Variants in ATP2B2 observed in about 807,000 individuals in gnomAD.
ATP2B2 encodes the protein ATPase plasma membrane Ca2+ transporting 2.
Under a neutral mutation model 120.0 loss-of-function variants are expected in ATP2B2, and 15 were observed. That is an observed-to-expected ratio of 0.12 (90% CI 0.08 to 0.19). The LOEUF (loss-of-function observed/expected upper bound fraction) is 0.19, where lower values mean the gene tolerates loss of function less well. Among genes scored for constraint, ATP2B2 ranks in the 10% least tolerant of loss-of-function variants. The pLI is 1.00. For missense variants in ATP2B2, 1,045 were observed against 1,719.8 expected, an observed-to-expected ratio of 0.61 and a Z score of 6.94; for synonymous variants, 694 against 700.3, an observed-to-expected ratio of 0.99 and a Z score of 0.14.
In ATP2B2 at chr3:10,371,995, G is replaced by A. The variant is rs1185546446; in HGVS notation, c.1473C>T (p.Gly491=). The A allele has an allele frequency of 6.2e-7, 1 of 1,614,208 alleles. No individual in the cohort carries two copies. Among genetic ancestry groups the A allele is most frequent in the East Asian group, 2.2e-5 (1 of 44,886 alleles). ...TGTCTGAGCAGATGGCTGTGGCATT[G>A]CCCATGGTCTCACAGGCATCCAGGT... The part of the protein sequence containing the change: ...VRHLDACETM[G]NATAICSDKT... Residue 491 remains glycine, a synonymous_variant, in exon 12 of 23, where the codon GGC becomes GGT. Transcript: ENST00000360273.
chr3:10,486,120 T>C (rs1352432220), intron 1 of ATP2B2, among the ~76,000 whole-genome samples: 1 of 152,142 alleles, frequency 6.6e-6, no homozygotes, highest in Non-Finnish European at 1.5e-5. Context: ...ACAACATCAT[T>C]CTGCTGCCCA....
chr3:10,472,791 T>C (rs984143279), intron 1 of ATP2B2, among the ~76,000 whole-genome samples: 3 of 152,188 alleles, frequency 2.0e-5, no homozygotes, highest in African/African-American at 7.2e-5. Context: ...CAGCACCAAG[T>C]GCAATGTCAG....
intron 2 of ATP2B2, among the ~76,000 whole-genome samples, chr3:10,603,283 T>C (rs1404104666): frequency 6.6e-6 from 1 of 152,204 alleles, no homozygotes; most frequent in Non-Finnish European, 1.5e-5. Flanking sequence ...GTGCCCGGTG[T>C]GTTTGGCAGA....
At chr3:10,454,809 T>A (rs1295695407) in intron 1 of ATP2B2, among the ~76,000 whole-genome samples, 5 of 152,214 alleles carry the variant, frequency 3.3e-5, no homozygotes, top group Non-Finnish European at 7.3e-5. Flanking sequence ...TTCAGAACAC[T>A]CTTCACTACC....
At chr3:10,461,386 G>A (rs2064482598) in intron 1 of ATP2B2, among the ~76,000 whole-genome samples, 1 of 152,198 alleles carries the variant, frequency 6.6e-6, no homozygotes, top group Non-Finnish European at 1.5e-5. Context: ...ATCTGAAGGA[G>A]GAAAATCAAA....
At chr3:10,705,778 C>A (rs186057115) in intron 1 of ATP2B2, among the ~76,000 whole-genome samples, 11 of 152,344 alleles carry the variant, frequency 7.2e-5, no homozygotes, top group Non-Finnish European at 1.0e-4. Flanking sequence ...CCTTTCTCCC[C>A]AGACACTGGT....
chr3:10,471,948 GC>G (rs1315531686), intron 1 of ATP2B2, among the ~76,000 whole-genome samples: 3 of 151,778 alleles, frequency 2.0e-5, no homozygotes, highest in Non-Finnish European at 2.9e-5. Context: ...GGGTGTGGTG[GC>G]GGGCGCCTGT....
chr3:10,330,824 G>T (rs2059959799), intron 22 of ATP2B2, among the ~76,000 whole-genome samples: 1 of 152,186 alleles, frequency 6.6e-6, no homozygotes, highest in Non-Finnish European at 1.5e-5. Flanking sequence ...ATCGCTGAAG[G>T]TTTGTTTTAC....
chr3:10,359,454 G>T (rs1005126113), intron 13 of ATP2B2, among the ~76,000 whole-genome samples: 2 of 152,126 alleles, frequency 1.3e-5, no homozygotes, highest in African/African-American at 4.8e-5. Flanking sequence ...GAAGGGATTT[G>T]CTTAGTTCAC....
rs115909912 is a variant in ATP2B2, at chr3:10,392,128, G to C, written c.782-3726C>G. On this transcript the variant is annotated intron_variant, in intron 5 of 22. Coordinates refer to ENST00000360273, the MANE Select transcript of ATP2B2 (RefSeq NM_001001331.4). ...AGGCCTGGCTCCTCAACCTGACCAT[G>C]AGCCCCTTGAAGGCAGTGTCTGAGT... Among the ~76,000 whole-genome samples, 93 of 152,190 alleles carry C rather than the reference G, an allele frequency of 6.1e-4. 1 individual carries two copies. The highest frequency in any genetic ancestry group is 2.2e-3 in the African/African-American group (91 of 41,518).
Position 10,329,889 on chromosome 3 carries a change from G to A in ATP2B2, c.3421-764C>T, listed in dbSNP as rs1322811012. 6.6e-6 allele frequency among the ~76,000 whole-genome samples: 1 copy of A among 152,212 alleles called. No individual in the cohort carries two copies. Among genetic ancestry groups the A allele is most frequent in the Non-Finnish European group, 1.5e-5 (1 of 68,042 alleles). Reference sequence around the variant, plus strand: ...ACACACGGCTACACTTGGAAGCCTGGACAATGTGAACGGAGGTCGTTTGTA... The same window carrying A: ...ACACACGGCTACACTTGGAAGCCTGAACAATGTGAACGGAGGTCGTTTGTA... On this transcript the variant is annotated intron_variant, in intron 22 of 22. Transcript: ENST00000360273. The surrounding 1 kb of genome is among the most constrained non-coding windows in gnomAD (Gnocchi z 5.9).
chr3:10,418,638 A>G (rs1024362336), intron 2 of ATP2B2, among the ~76,000 whole-genome samples: 3 of 152,080 alleles, frequency 2.0e-5, no homozygotes, highest in Non-Finnish European at 2.9e-5. Flanking sequence ...GACCCCAGAG[A>G]TTGTTTTCGC....
intron 1 of ATP2B2, among the ~76,000 whole-genome samples, chr3:10,652,051 G>T (rs1327340968): frequency 6.6e-6 from 1 of 152,148 alleles, no homozygotes; most frequent in Admixed American, 6.5e-5. Context: ...CTTCTGATTT[G>T]GATATGTATG....
At chr3:10,399,754 G>T (rs750277057) in intron 5 of ATP2B2, among the ~76,000 whole-genome samples, 1 of 152,196 alleles carries the variant, frequency 6.6e-6, no homozygotes, top group Non-Finnish European at 1.5e-5. Context: ...AGACCTCTGT[G>T]CCTTTGTACA....
At chr3:10,381,092 T>C (rs1481092060) in intron 8 of ATP2B2, among the ~76,000 whole-genome samples, 1 of 152,214 alleles carries the variant, frequency 6.6e-6, no homozygotes, top group Non-Finnish European at 1.5e-5. Flanking sequence ...GCCCACTTTC[T>C]GGGTGACTCA....
At chr3:10,336,236 G>A in intron 22 of ATP2B2, 2 of 1,550,604 alleles carry the variant, frequency 1.3e-6, no homozygotes, top group East Asian at 2.4e-5. Context: ...GCTGGTGACC[G>A]AGGACTGTCT....
In ATP2B2 at chr3:10,431,700, G is replaced by A. The variant is rs2063321214; in HGVS notation, c.199+17645C>T. On this transcript the variant is annotated intron_variant, in intron 2 of 22. Coordinates refer to ENST00000360273, the MANE Select transcript of ATP2B2 (RefSeq NM_001001331.4). Reference sequence around the variant, plus strand: ...TTTTATCTCCAGGGCCTAGAACTGTGTCTAGCACATAGTAGGTGCTCAAGA... The same window carrying A: ...TTTTATCTCCAGGGCCTAGAACTGTATCTAGCACATAGTAGGTGCTCAAGA... Among the ~76,000 whole-genome samples, 3 of 151,678 alleles carry A rather than the reference G, an allele frequency of 2.0e-5. No homozygotes were observed. In the South Asian group the frequency reaches 6.2e-4, roughly 31 times the overall value.
intron 3 of ATP2B2, among the ~76,000 whole-genome samples, chr3:10,532,536 T>C (rs1328797958): frequency 1.3e-5 from 2 of 152,210 alleles, no homozygotes; most frequent in African/African-American, 4.8e-5. Context: ...TGTGGATGGC[T>C]CTCCTCAACC....
At chr3:10,680,414 C>G (rs529411069) in intron 1 of ATP2B2, among the ~76,000 whole-genome samples, 1 of 152,002 alleles carries the variant, frequency 6.6e-6, no homozygotes, top group Non-Finnish European at 1.5e-5. Context: ...ACCTCTTTAT[C>G]GAGCTCTTAA....
Sources: allele counts gnomAD v4.1 joint callset (sites outside exome capture counted in the v4.1 genomes callset), GRCh38; gene constraint gnomAD v4.1.1; non-coding constraint Gnocchi (gnomAD v3.1); transcripts MANE v1.5; gene names NCBI Gene and HGNC (gene_info 2026-07-23, HGNC 2026-07-21).